Variants in TNFSF4 observed in about 807,000 individuals in gnomAD.
TNFSF4 encodes the protein tumor necrosis factor ligand superfamily member 4.
Under a neutral mutation model 7.3 loss-of-function variants are expected in TNFSF4, and 4 were observed. The ratio of observed to expected loss-of-function variants is 0.55; its 90% confidence interval spans 0.27 to 1.25. The LOEUF (loss-of-function observed/expected upper bound fraction) is 1.25. Among genes scored for constraint, TNFSF4 ranks in the 50% most tolerant of loss-of-function variants. The pLI is 0.12. For synonymous variants in TNFSF4, 76 were observed against 83.7 expected, an observed-to-expected ratio of 0.91 and a Z score of 0.50; for missense variants, 181 against 208.8, an observed-to-expected ratio of 0.87 and a Z score of 0.82.
the TNFSF4 span, among the ~76,000 whole-genome samples, chr1:173,249,329 G>C: frequency 4.6e-5 from 7 of 152,186 alleles, no homozygotes; most frequent in African/African-American, 1.7e-4. Context: ...AGATATCAGG[G>C]AAAAGATCTT....
the TNFSF4 span, among the ~76,000 whole-genome samples, chr1:173,241,358 T>C: frequency 6.6e-6 from 1 of 152,218 alleles, no homozygotes; most frequent in Non-Finnish European, 1.5e-5. Context: ...CTGATCTGAA[T>C]ATATATTGAC....
chr1:173,388,137 A>G, the TNFSF4 span, among the ~76,000 whole-genome samples: 96,975 of 152,138 alleles, frequency 0.64, 31,094 homozygotes, highest in Admixed American at 0.69. Context: ...TATAGTAAGC[A>G]CTCAATAAAT....
the TNFSF4 span, among the ~76,000 whole-genome samples, chr1:173,220,590 G>C: frequency 1.3e-5 from 2 of 152,104 alleles, no homozygotes; most frequent in Non-Finnish European, 2.9e-5. Flanking sequence ...TGGAGGCTTT[G>C]GTATGTAATT....
At chr1:173,193,364 G>T (rs763259671) in intron 1 of TNFSF4, among the ~76,000 whole-genome samples, 3 of 152,164 alleles carry the variant, frequency 2.0e-5, no homozygotes, top group African/African-American at 7.2e-5. Flanking sequence ...AAATGCAAAT[G>T]CTCCTAAGTA....
the TNFSF4 span, among the ~76,000 whole-genome samples, chr1:173,305,882 C>T: frequency 7.2e-5 from 11 of 151,856 alleles, no homozygotes; most frequent in Admixed American, 4.6e-4. Flanking sequence ...TCCACATGTG[C>T]GGATTAAAAG....
the TNFSF4 span, among the ~76,000 whole-genome samples, chr1:173,309,690 G>A: frequency 1.3e-5 from 2 of 151,624 alleles, no homozygotes; most frequent in African/African-American, 4.8e-5. Flanking sequence ...TGTTATGCTA[G>A]CCTTATCAAA....
At chr1:173,347,283 A>G in the TNFSF4 span, among the ~76,000 whole-genome samples, 1 of 152,232 alleles carries the variant, frequency 6.6e-6, no homozygotes, top group Admixed American at 6.5e-5. Context: ...ATTCTTATGG[A>G]TATCTCAAAG....
the TNFSF4 span, among the ~76,000 whole-genome samples, chr1:173,379,315 G>A: frequency 6.6e-6 from 1 of 151,098 alleles, no homozygotes; most frequent in Non-Finnish European, 1.5e-5. Context: ...TTGTGTTCTA[G>A]AAGGACTAAG....
the TNFSF4 span, among the ~76,000 whole-genome samples, chr1:173,422,326 G>GA: frequency 0.069 from 6,136 of 89,034 alleles, 912 homozygotes; most frequent in African/African-American, 0.25. Flanking sequence ...TGCCCAGAGT[G>GA]AAAAAAAAAA....
chr1:173,272,524 T>G, the TNFSF4 span, among the ~76,000 whole-genome samples: 14 of 152,062 alleles, frequency 9.2e-5, no homozygotes, highest in East Asian at 2.7e-3. Flanking sequence ...TCGAAATTCA[T>G]GAAATTGTCC....
the TNFSF4 span, among the ~76,000 whole-genome samples, chr1:173,212,377 A>C: frequency 6.6e-6 from 1 of 152,156 alleles, no homozygotes; most frequent in Non-Finnish European, 1.5e-5. Context: ...TAAGAGCCAG[A>C]CTTGTGAATC....
the TNFSF4 span, chr1:173,175,591 T>C: frequency 2.6e-5 from 4 of 152,360 alleles, no homozygotes; most frequent in African/African-American, 9.6e-5. Context: ...AAGGAAGCTT[T>C]TGTTTAGAAA....
chr1:173,418,827 G>T, the TNFSF4 span, among the ~76,000 whole-genome samples: 2 of 152,168 alleles, frequency 1.3e-5, no homozygotes, highest in African/African-American at 4.8e-5. Context: ...TGTCCCAGAG[G>T]TAGTGGCTGT....
At chr1:173,430,929 C>G in the TNFSF4 span, among the ~76,000 whole-genome samples, 1 of 152,178 alleles carries the variant, frequency 6.6e-6, no homozygotes, top group Non-Finnish European at 1.5e-5. Context: ...TGTGAGAAAG[C>G]CTTTCTGTAA....
the TNFSF4 span, among the ~76,000 whole-genome samples, chr1:173,344,111 C>T: frequency 1.7e-4 from 26 of 152,130 alleles, no homozygotes; most frequent in Non-Finnish European, 3.2e-4. Context: ...AATTTCACTC[C>T]CTGTGCTAAG....
chr1:173,226,258 C>T, the TNFSF4 span, among the ~76,000 whole-genome samples: 2 of 152,166 alleles, frequency 1.3e-5, no homozygotes, highest in Admixed American at 6.5e-5. Flanking sequence ...AGAGACATTT[C>T]CCAGATTTAC....
the TNFSF4 span, among the ~76,000 whole-genome samples, chr1:173,366,996 G>A: frequency 2.6e-5 from 4 of 152,146 alleles, no homozygotes; most frequent in Admixed American, 2.0e-4. Context: ...AGGGGCCCTC[G>A]CATGAGTACA....
chr1:173,335,148 C>T, the TNFSF4 span, among the ~76,000 whole-genome samples: 2 of 151,998 alleles, frequency 1.3e-5, no homozygotes, highest in Non-Finnish European at 2.9e-5. Flanking sequence ...TTGCTTAGTT[C>T]GTTAGATGAA....
downstream of TNFSF4, among the ~76,000 whole-genome samples, chr1:173,178,970 A>G (rs1332555573): frequency 1.3e-5 from 2 of 152,248 alleles, no homozygotes; most frequent in Admixed American, 6.5e-5. Flanking sequence ...ATACAGGACT[A>G]TTAACCAAAG....
Sources: gnomAD v4.1 joint callset for allele counts (sites outside exome capture counted in the v4.1 genomes callset) on GRCh38, gnomAD v4.1.1 for gene constraint, MANE v1.5 for transcripts, NCBI Gene and HGNC (gene_info 2026-07-23, HGNC 2026-07-21) for gene names.